Variants in EFCAB6 observed in about 807,000 individuals in gnomAD.
EFCAB6 encodes EF-hand calcium binding domain 6.
EFCAB6 carries 156 observed loss-of-function variants against 169.8 expected under a neutral mutation model. The ratio of observed to expected loss-of-function variants is 0.92; its 90% CI spans 0.81 to 1.05. The LOEUF (loss-of-function observed/expected upper bound fraction) is 1.05. EFCAB6 is among the 50% of genes least tolerant of loss of function. The pLI, the probability that EFCAB6 is intolerant of heterozygous loss-of-function variation, is 0.00. For missense variants in EFCAB6, 1,800 were observed against 1,829.1 expected, an observed-to-expected ratio of 0.98 and a Z score of 0.29; for synonymous variants, 698 against 676.4, an observed-to-expected ratio of 1.03 and a Z score of -0.50.
chr22:43,637,403 T>C (rs907279279), intron 17 of EFCAB6, among the ~76,000 whole-genome samples: 3 of 152,248 alleles, frequency 2.0e-5, no homozygotes, highest in Admixed American at 2.0e-4. Context: ...AGCTGGCCCC[T>C]GTGGCTTATT....
At chr22:43,660,903 CCT>C (rs1385321304) in intron 17 of EFCAB6, among the ~76,000 whole-genome samples, 6 of 152,106 alleles carry the variant, frequency 3.9e-5, no homozygotes, top group Non-Finnish European at 7.3e-5. Context: ...AAAATAACCA[CCT>C]CTCTTATTTA....
At chr22:43,595,691 C>G (rs1354400536) in intron 23 of EFCAB6, among the ~76,000 whole-genome samples, 1 of 152,132 alleles carries the variant, frequency 6.6e-6, no homozygotes, top group Non-Finnish European at 1.5e-5. Flanking sequence ...AATACCAACT[C>G]TACCCAAACT....
At chr22:43,655,008 A>T (rs985345632) in intron 17 of EFCAB6, among the ~76,000 whole-genome samples, 2 of 152,224 alleles carry the variant, frequency 1.3e-5, no homozygotes, top group Non-Finnish European at 2.9e-5. Flanking sequence ...CTATAATCTT[A>T]GCACTTTGGG....
intron 25 of EFCAB6, among the ~76,000 whole-genome samples, chr22:43,579,825 C>A (rs1410647092): frequency 6.6e-6 from 1 of 150,488 alleles, no homozygotes; most frequent in Admixed American, 6.6e-5. Flanking sequence ...ATTCCCTACA[C>A]GCAGGCATCA....
chr22:43,599,010 C>T (rs1010148743), intron 23 of EFCAB6, among the ~76,000 whole-genome samples: 4 of 151,984 alleles, frequency 2.6e-5, no homozygotes, highest in Non-Finnish European at 5.9e-5. Context: ...AGTGGGGTAC[C>T]TTCTGCACAG....
At chr22:43,563,655 C>T (rs188475943) in intron 26 of EFCAB6, among the ~76,000 whole-genome samples, 120 of 152,366 alleles carry the variant, frequency 7.9e-4, no homozygotes, top group African/African-American at 2.5e-3. Flanking sequence ...TGGCCCAGAG[C>T]CTGCCGCGCT....
intron 23 of EFCAB6, among the ~76,000 whole-genome samples, chr22:43,592,804 C>G (rs959067817): frequency 6.6e-6 from 1 of 152,246 alleles, no homozygotes; most frequent in African/African-American, 2.4e-5. Context: ...CGAACGAGCC[C>G]GTGTTATGTG....
rs140777520 is a variant in EFCAB6 at position 43,751,794 on chromosome 22, A to G, written c.507+3972T>C. Among the ~76,000 whole-genome samples, 389 of 152,316 alleles carry G rather than the reference A, an allele frequency of 2.6e-3. 1 individual carries two copies. The highest frequency in any genetic ancestry group is 0.014 in the Middle Eastern group (4 of 294). On this transcript the variant is annotated intron_variant, in intron 6 of 31. Transcript: ENST00000262726. ...TGTAACAAGTTGTCACATTTGCTGA[A>G]TGCAAAGTAAGCATCAACATATGCC...
At chr22:43,611,340 T>C (rs1381104208) in intron 21 of EFCAB6, among the ~76,000 whole-genome samples, 1 of 152,208 alleles carries the variant, frequency 6.6e-6, no homozygotes, top group Non-Finnish European at 1.5e-5. Context: ...TGCTCAAAGA[T>C]ATCAGTGATG....
At chr22:43,782,097 T>C in intron 3 of EFCAB6, 83 bp downstream of exon 3, 1 of 1,353,078 alleles carries the variant, frequency 7.4e-7, no homozygotes, top group Non-Finnish European at 1.0e-6. Flanking sequence ...GTCATATGAG[T>C]CCTTTGAACT....
intron 3 of EFCAB6, among the ~76,000 whole-genome samples, chr22:43,777,044 G>C (rs1466256322): frequency 6.6e-6 from 1 of 152,168 alleles, no homozygotes; most frequent in African/African-American, 2.4e-5. Flanking sequence ...TAGACAGATA[G>C]GAGACATGAT....
At chr22:43,758,932 A>G (rs1167173409) in intron 5 of EFCAB6, among the ~76,000 whole-genome samples, 2 of 152,230 alleles carry the variant, frequency 1.3e-5, no homozygotes, top group Non-Finnish European at 2.9e-5. Flanking sequence ...TTAAAAAAAT[A>G]TAGGTTCTGG....
intron 24 of EFCAB6, among the ~76,000 whole-genome samples, chr22:43,588,305 A>G (rs996850246): frequency 1.3e-5 from 2 of 152,252 alleles, no homozygotes; most frequent in African/African-American, 4.8e-5. Flanking sequence ...TTAAAAAGCA[A>G]CACTGAGGAG....
At chr22:43,578,665 C>G (rs867386715) in intron 25 of EFCAB6, among the ~76,000 whole-genome samples, 4 of 152,070 alleles carry the variant, frequency 2.6e-5, no homozygotes, top group African/African-American at 9.7e-5. Flanking sequence ...ATACCCTACA[C>G]GCGGTCATCA....
At chr22:43,757,685 G>T (rs58274765) in intron 5 of EFCAB6, among the ~76,000 whole-genome samples, 12,099 of 152,214 alleles carry the variant, frequency 0.079, 656 homozygotes, top group South Asian at 0.2. Flanking sequence ...CTCCTGCCTA[G>T]TTCTAGCCAA....
chr22:43,583,453 A>C (rs1480533988), intron 24 of EFCAB6, among the ~76,000 whole-genome samples: 1 of 152,032 alleles, frequency 6.6e-6, no homozygotes, highest in Non-Finnish European at 1.5e-5. Flanking sequence ...ACAAAGGCAG[A>C]TATCATAAAG....
At chr22:43,625,468 G>A (rs913768024) in intron 20 of EFCAB6, among the ~76,000 whole-genome samples, 9 of 152,238 alleles carry the variant, frequency 5.9e-5, no homozygotes, top group African/African-American at 1.9e-4. Flanking sequence ...GATCTCAGCA[G>A]GGAGCCGATG....
intron 25 of EFCAB6, among the ~76,000 whole-genome samples, chr22:43,577,163 T>A (rs953468642): frequency 6.6e-6 from 1 of 152,078 alleles, no homozygotes. Flanking sequence ...TACAGTAGAG[T>A]AGTTAAACTG....
chr22:43,752,053 A>G (rs115448159), intron 6 of EFCAB6, among the ~76,000 whole-genome samples: 17,731 of 151,658 alleles, frequency 0.12, 1,104 homozygotes, highest in Middle Eastern at 0.18. Context: ...TTATATAGGT[A>G]GCTGAAGCAG....
Sources: gnomAD v4.1 joint callset for allele counts (sites outside exome capture counted in the v4.1 genomes callset) on GRCh38, gnomAD v4.1.1 for gene constraint, MANE v1.5 for transcripts, NCBI Gene and HGNC (gene_info 2026-07-23, HGNC 2026-07-21) for gene names.